Variants in PAPSS2 observed in about 807,000 individuals in gnomAD.
PAPSS2 encodes bifunctional 3'-phosphoadenosine 5'-phosphosulfate synthase 2.
A neutral mutation model predicts 66.5 loss-of-function variants in PAPSS2; 61 were observed. The observed-to-expected ratio is 0.92, with a 90% confidence interval of 0.75 to 1.14. The LOEUF (loss-of-function observed/expected upper bound fraction) is 1.14. PAPSS2 is among the 50% of genes most tolerant of loss of function. The pLI, the probability that PAPSS2 is intolerant of heterozygous loss-of-function variation, is 0.00. For synonymous variants in PAPSS2, 289 were observed against 287.5 expected (o/e 1.01, Z -0.05); for missense variants, 708 against 789.6 (o/e 0.90, Z 1.24).
At chr10:87,669,739 G>A (rs775435951) in intron 1 of PAPSS2, among the ~76,000 whole-genome samples, 2 of 152,132 alleles carry the variant, frequency 1.3e-5, no homozygotes, top group East Asian at 1.9e-4. Flanking sequence ...TCACCATCTC[G>A]CGAAGCAAGT....
intron 1 of PAPSS2, among the ~76,000 whole-genome samples, chr10:87,661,458 A>AAAT (rs1852751417): frequency 6.6e-6 from 1 of 152,190 alleles, no homozygotes; most frequent in African/African-American, 2.4e-5. Context: ...GTAAAATCCT[A>AAAT]AATAGTGTCT....
chr10:87,679,466 G>A (rs1176382619), intron 1 of PAPSS2, among the ~76,000 whole-genome samples: 1 of 152,146 alleles, frequency 6.6e-6, no homozygotes, highest in African/African-American at 2.4e-5. Context: ...AATAATAAAT[G>A]CACAAAGTGA....
At chr10:87,732,838 GATTCT>G (rs1217132379) in intron 9 of PAPSS2, among the ~76,000 whole-genome samples, 7 of 152,252 alleles carry the variant, frequency 4.6e-5, no homozygotes, top group African/African-American at 1.7e-4. Context: ...TATTTTCAGT[GATTCT>G]ATACCTTTAG....
chr10:87,709,511 G>T (rs991735304), intron 2 of PAPSS2, among the ~76,000 whole-genome samples, 198 bp downstream of exon 2: 8 of 152,176 alleles, frequency 5.3e-5, no homozygotes, highest in East Asian at 1.9e-4. Flanking sequence ...ACAGAAATAA[G>T]AGTCTGATCA....
In PAPSS2 at chr10:87,670,563, A is replaced by G. The variant is rs558724719; in HGVS notation, c.27+10555A>G. Among the ~76,000 whole-genome samples, 4 of 141,096 alleles carry G rather than the reference A, an allele frequency of 2.8e-5. No homozygotes were observed. In the South Asian group the frequency reaches 9.2e-4, roughly 32 times the overall value. The allele number at this position is 141,096 out of a possible 152,430, so 92.6% of individuals were successfully genotyped here. On this transcript the variant is annotated intron_variant, in intron 1 of 12. Transcript: ENST00000456849. Reference sequence around the variant, plus strand: ...ATTCCCATTCTCAGGAGATGATTGCATAAAAAGATGGAGCACACACACACA... The same window carrying G: ...ATTCCCATTCTCAGGAGATGATTGCGTAAAAAGATGGAGCACACACACACA...
chr10:87,694,532 A>T (rs972515439), intron 1 of PAPSS2, among the ~76,000 whole-genome samples: 2 of 152,188 alleles, frequency 1.3e-5, no homozygotes, highest in African/African-American at 2.4e-5. Context: ...CAGTGGGAAG[A>T]GCTGAATGAG....
At chr10:87,743,722 G>T (rs1853902463) in intron 11 of PAPSS2, 81 bp downstream of exon 11, 5 of 1,499,974 alleles carry the variant, frequency 3.3e-6, no homozygotes, top group Non-Finnish European at 4.6e-6. Flanking sequence ...GAGTCTCTGG[G>T]ATCCTTTCTG....
intron 10 of PAPSS2, among the ~76,000 whole-genome samples, chr10:87,742,784 T>G (rs887122711): frequency 6.6e-6 from 1 of 152,260 alleles, no homozygotes; most frequent in Non-Finnish European, 1.5e-5. Context: ...TGCCTGAGCC[T>G]TGGTGTACAG....
At position 87,714,134 on chromosome 10, in the gene PAPSS2, A is replaced by G; in HGVS notation, c.472A>G (p.Arg158Gly). Residue 158 changes from arginine (R) to glycine (G), a missense_variant, in exon 4 of 13, where the codon AGA (arginine) becomes GGA (glycine). Arg to Gly is a moderately radical substitution (Grantham distance 125). Transcript: ENST00000456849. Reference protein sequence around the residue: ...VDAPLNICESRDVKGLYKRAR... With the variant: ...VDAPLNICESGDVKGLYKRAR... Reference sequence around the variant, plus strand: ...TGCACCTCTAAATATTTGTGAAAGCAGAGACGTAAAAGGCCTCTATAAAAG... The same window carrying G: ...TGCACCTCTAAATATTTGTGAAAGCGGAGACGTAAAAGGCCTCTATAAAAG... 1 of 1,614,000 alleles carries G rather than the reference A, an allele frequency of 6.2e-7. No homozygotes were observed. The highest frequency in any genetic ancestry group is 8.5e-7 in the Non-Finnish European group (1 of 1,179,936).
At chr10:87,689,197 G>C (rs557017585) in intron 1 of PAPSS2, among the ~76,000 whole-genome samples, 1 of 148,460 alleles carries the variant, frequency 6.7e-6, no homozygotes, top group East Asian at 2.0e-4. Flanking sequence ...AAAATTAGCC[G>C]GGCATGGTGG....
At chr10:87,676,551 A>C (rs12248789) in intron 1 of PAPSS2, among the ~76,000 whole-genome samples, 17,260 of 151,576 alleles carry the variant, frequency 0.11, 3,103 homozygotes, top group African/African-American at 0.38. Flanking sequence ...CAAATTAACT[A>C]ATTAGCTTTG....
intron 1 of PAPSS2, among the ~76,000 whole-genome samples, chr10:87,673,578 ATGTGTGTGTG>A (rs35768490): frequency 6.8e-6 from 1 of 148,080 alleles, no homozygotes; most frequent in African/African-American, 2.5e-5. Flanking sequence ...GTATGTATTC[ATGTGTGTGTG>A]TGTGTGTGTG....
chr10:87,718,451 G>C (rs1853558236), intron 7 of PAPSS2, among the ~76,000 whole-genome samples: 1 of 152,156 alleles, frequency 6.6e-6, no homozygotes, highest in South Asian at 2.1e-4. Context: ...ACCAGCCTGG[G>C]GATATGAATG....
chr10:87,736,880 T>C (rs1853807724), intron 9 of PAPSS2, among the ~76,000 whole-genome samples: 1 of 152,182 alleles, frequency 6.6e-6, no homozygotes, highest in South Asian at 2.1e-4. Context: ...TCCTATGCTA[T>C]GTGGGTCCTC....
chr10:87,676,645 A>G (rs1312576009), intron 1 of PAPSS2, among the ~76,000 whole-genome samples: 30 of 152,130 alleles, frequency 2.0e-4, no homozygotes, highest in African/African-American at 2.4e-5. Flanking sequence ...ATTAGGTTTA[A>G]AAATTAATAT....
chr10:87,681,368 T>G (rs1853019211), intron 1 of PAPSS2, among the ~76,000 whole-genome samples: 1 of 152,188 alleles, frequency 6.6e-6, no homozygotes, highest in African/African-American at 2.4e-5. Flanking sequence ...GTTTTAAATG[T>G]TTACAATAAC....
chr10:87,660,113 C>G, intron 1 of PAPSS2, 105 bp downstream of exon 1: 4 of 1,199,448 alleles, frequency 3.3e-6, no homozygotes, highest in South Asian at 1.3e-5. Context: ...CGGGAGGGGG[C>G]GTCGGGAGGA....
At chr10:87,671,560 C>G (rs935565237) in intron 1 of PAPSS2, among the ~76,000 whole-genome samples, 2 of 152,188 alleles carry the variant, frequency 1.3e-5, no homozygotes, top group Non-Finnish European at 2.9e-5. Context: ...ACACATAACT[C>G]TACACCCAGC....
chr10:87,711,810 T>C (rs1282323157), intron 2 of PAPSS2, among the ~76,000 whole-genome samples: 1 of 152,164 alleles, frequency 6.6e-6, no homozygotes, highest in Non-Finnish European at 1.5e-5. Context: ...TTTTTCCTCT[T>C]TCCTCCTGTT....
Sources: allele counts gnomAD v4.1 joint callset (sites outside exome capture counted in the v4.1 genomes callset), GRCh38; gene constraint gnomAD v4.1.1; transcripts MANE v1.5; gene names NCBI Gene and HGNC (gene_info 2026-07-23, HGNC 2026-07-21).